Variants in PDZRN4 observed in about 807,000 individuals in gnomAD.
PDZRN4 encodes the protein PDZ domain-containing RING finger protein 4.
PDZRN4 carries 70 observed loss-of-function variants against 99.0 expected under a neutral mutation model. The observed-to-expected ratio is 0.71, with a 90% CI of 0.58 to 0.86. The LOEUF is 0.86. Ranked by LOEUF, PDZRN4 falls within the 40% of genes least tolerant of loss-of-function variation. PDZRN4 has a pLI of 0.00. For missense variants in PDZRN4, 1,474 were observed against 1,331.2 expected (o/e 1.11, Z -1.67); for synonymous variants, 551 against 501.6 (o/e 1.10, Z -1.32).
intron 9 of PDZRN4, among the ~76,000 whole-genome samples, chr12:41,570,930 A>G (rs983925792): frequency 1.3e-5 from 2 of 152,164 alleles, no homozygotes; most frequent in African/African-American, 4.8e-5. Flanking sequence ...ATACATGGTT[A>G]TGTTCTCTCC....
intron 3 of PDZRN4, among the ~76,000 whole-genome samples, chr12:41,216,912 C>T (rs1024032648): frequency 6.6e-6 from 1 of 152,018 alleles, no homozygotes; most frequent in Non-Finnish European, 1.5e-5. Context: ...TACTAATGTT[C>T]ATAATAAATG....
intron 3 of PDZRN4, among the ~76,000 whole-genome samples, chr12:41,279,602 G>C (rs1338411761): frequency 6.6e-6 from 1 of 152,110 alleles, no homozygotes; most frequent in Admixed American, 6.5e-5. Context: ...TGTGTCCTCA[G>C]ATAAGAATAT....
At chr12:41,243,165 T>C (rs947700361) in intron 3 of PDZRN4, among the ~76,000 whole-genome samples, 21 of 152,230 alleles carry the variant, frequency 1.4e-4, no homozygotes, top group African/African-American at 5.1e-4. Context: ...TCATTTTGCC[T>C]GAAGAATGTT....
At chr12:41,522,529 G>A (rs1409510250) in intron 5 of PDZRN4, among the ~76,000 whole-genome samples, 1 of 152,050 alleles carries the variant, frequency 6.6e-6, no homozygotes, top group Non-Finnish European at 1.5e-5. Context: ...CAGCACATGT[G>A]AATATTCAAT....
At chr12:41,217,960 G>T (rs1334387299) in intron 3 of PDZRN4, among the ~76,000 whole-genome samples, 1 of 152,034 alleles carries the variant, frequency 6.6e-6, no homozygotes, top group Non-Finnish European at 1.5e-5. Context: ...AATGGAAAAG[G>T]ACTTGGAATG....
At chr12:41,519,218 C>A (rs1363212964) in intron 5 of PDZRN4, among the ~76,000 whole-genome samples, 1 of 152,142 alleles carries the variant, frequency 6.6e-6, no homozygotes, top group East Asian at 1.9e-4. Context: ...CCCAAATCTG[C>A]TTGTTCTTCT....
chr12:41,538,155 A>G (rs974924130), intron 5 of PDZRN4, among the ~76,000 whole-genome samples: 5 of 152,304 alleles, frequency 3.3e-5, no homozygotes, highest in Non-Finnish European at 5.9e-5. Flanking sequence ...ATCTTAAGTA[A>G]CTATATGGTC....
chr12:41,437,047 A>C (rs915165825), intron 3 of PDZRN4, among the ~76,000 whole-genome samples: 1 of 152,202 alleles, frequency 6.6e-6, no homozygotes, highest in Non-Finnish European at 1.5e-5. Flanking sequence ...ATGGGCCTTC[A>C]TTATCTAATT....
At chr12:41,422,843 A>ATG (rs1165288627) in intron 3 of PDZRN4, among the ~76,000 whole-genome samples, 1 of 152,158 alleles carries the variant, frequency 6.6e-6, no homozygotes, top group South Asian at 2.1e-4. Context: ...CATTAGTAAT[A>ATG]TGTGTGTGTG....
At chr12:41,509,701 A>G in intron 4 of PDZRN4, 110 bp from the exon 5 acceptor site, 2 of 614,440 alleles carry the variant, frequency 3.3e-6, no homozygotes, top group South Asian at 2.0e-5. Context: ...CTAGATCACT[A>G]CAGATCTTAT....
chr12:41,426,430 C>T (rs1480115712), intron 3 of PDZRN4, among the ~76,000 whole-genome samples: 1 of 152,200 alleles, frequency 6.6e-6, no homozygotes, highest in Non-Finnish European at 1.5e-5. Flanking sequence ...CTACCACTGA[C>T]TCTTCATTCA....
intron 5 of PDZRN4, among the ~76,000 whole-genome samples, chr12:41,533,089 A>AT (rs1205548740): frequency 2.0e-5 from 3 of 150,048 alleles, no homozygotes; most frequent in Admixed American, 6.7e-5. Context: ...TAATTCTGTC[A>AT]TTTTTTTTTC....
intron 3 of PDZRN4, among the ~76,000 whole-genome samples, chr12:41,461,276 A>T (rs1952871489): frequency 6.6e-6 from 1 of 151,922 alleles, no homozygotes; most frequent in Non-Finnish European, 1.5e-5. Flanking sequence ...GTAAACGTGC[A>T]TCATGGGGGT....
chr12:41,219,214 C>T (rs1950938906), intron 3 of PDZRN4, among the ~76,000 whole-genome samples: 1 of 151,742 alleles, frequency 6.6e-6, no homozygotes, highest in South Asian at 2.1e-4. Flanking sequence ...AAGAAGATAC[C>T]CTAGTTCTAG....
At chr12:41,373,166 G>A (rs535373302) in intron 3 of PDZRN4, among the ~76,000 whole-genome samples, 51 of 152,184 alleles carry the variant, frequency 3.4e-4, no homozygotes, top group Admixed American at 2.8e-3. Flanking sequence ...AATATCACAA[G>A]GCAAACGGAG....
chr12:41,473,164 A>T (rs1192574665), intron 3 of PDZRN4, among the ~76,000 whole-genome samples: 3 of 152,110 alleles, frequency 2.0e-5, no homozygotes, highest in African/African-American at 7.2e-5. Flanking sequence ...TGAAATCACC[A>T]TTTTTAGAGG....
intron 3 of PDZRN4, among the ~76,000 whole-genome samples, chr12:41,308,533 C>A (rs368406966): frequency 3.3e-5 from 5 of 152,106 alleles, no homozygotes; most frequent in African/African-American, 1.2e-4. Context: ...GGAAGCAATA[C>A]CAAAGATGAA....
intron 3 of PDZRN4, among the ~76,000 whole-genome samples, chr12:41,248,079 A>G (rs775332760): frequency 1.3e-5 from 2 of 152,184 alleles, no homozygotes; most frequent in Non-Finnish European, 2.9e-5. Flanking sequence ...GGTTCACTTC[A>G]CCACTTTGTT....
At chr12:41,447,304 G>A (rs978497130) in intron 3 of PDZRN4, among the ~76,000 whole-genome samples, 3 of 152,080 alleles carry the variant, frequency 2.0e-5, no homozygotes, top group Non-Finnish European at 4.4e-5. Context: ...ATGGAGTTAT[G>A]AGCCTCAGTG....
Sources: allele counts gnomAD v4.1 joint callset (sites outside exome capture counted in the v4.1 genomes callset), GRCh38; gene constraint gnomAD v4.1.1; transcripts MANE v1.5; gene names NCBI Gene and HGNC (gene_info 2026-07-23, HGNC 2026-07-21).